The following ATP6V1C2 variants were observed in gnomAD, a reference collection of about 807,000 sequenced individuals.
ATP6V1C2 encodes the protein ATPase H+ transporting V1 subunit C2, also known as V-type proton ATPase subunit C 2.
A neutral mutation model predicts 56.8 loss-of-function variants in ATP6V1C2; 45 were observed. The observed-to-expected ratio is 0.79, with a 90% confidence interval of 0.62 to 1.02. The LOEUF is 1.02. Among genes scored for constraint, ATP6V1C2 ranks in the 50% least tolerant of loss-of-function variants. ATP6V1C2 has a pLI of 0.00. For synonymous variants in ATP6V1C2, 220 were observed against 201.3 expected (o/e 1.09, Z -0.79); for missense variants, 463 against 519.7 (o/e 0.89, Z 1.06).
chr2:10,747,901 C>G (rs1476614941), intron 3 of ATP6V1C2, among the ~76,000 whole-genome samples: 6 of 151,660 alleles, frequency 4.0e-5, no homozygotes, highest in Admixed American at 6.6e-5. Context: ...CGCTTTGTTA[C>G]CCAGGCTGGA....
intron 6 of ATP6V1C2, among the ~76,000 whole-genome samples, chr2:10,769,198 G>C (rs905898551): frequency 6.6e-6 from 1 of 152,230 alleles, no homozygotes; most frequent in African/African-American, 2.4e-5. Context: ...CAGCAGGGTG[G>C]TGGGCTCTGT....
chr2:10,761,665 G>A (rs138707053), intron 4 of ATP6V1C2, among the ~76,000 whole-genome samples: 51 of 152,244 alleles, frequency 3.3e-4, no homozygotes, highest in African/African-American at 1.2e-3. Flanking sequence ...GCTTGTAGAC[G>A]GCCACCTTCT....
At chr2:10,764,741 G>A (rs1664122293) in intron 5 of ATP6V1C2, among the ~76,000 whole-genome samples, 1 of 152,240 alleles carries the variant, frequency 6.6e-6, no homozygotes, top group Non-Finnish European at 1.5e-5. Context: ...GGAGGCCAAG[G>A]TGGGTGGATC....
Position 10,726,085 on chromosome 2 carries a change from AC to A in ATP6V1C2, c.130-416del. Among the ~76,000 whole-genome samples the A allele has an allele frequency of 1.3e-5, 2 of 152,222 alleles. 1 individual carries two copies. The highest frequency in any genetic ancestry group is 6.8e-3 in the Middle Eastern group (2 of 294). ...ACAAGAGCGAAACTCCATCTCAAAA[AC>A]AACAACAAAAAACACAACTGATGGG... On this transcript the variant is annotated intron_variant, in intron 2 of 13. Transcript: ENST00000272238.
At chr2:10,749,341 G>GT (rs1215425716) in intron 3 of ATP6V1C2, among the ~76,000 whole-genome samples, 7 of 151,142 alleles carry the variant, frequency 4.6e-5, no homozygotes, top group South Asian at 2.1e-4. Context: ...CCAAAAAAAA[G>GT]TTTTTTTTAA....
chr2:10,772,460 G>A, intron 7 of ATP6V1C2, 82 bp from the exon 8 acceptor site: 1 of 1,176,976 alleles, frequency 8.5e-7, no homozygotes, highest in East Asian at 2.3e-5. Context: ...TTCAGGAAAA[G>A]GGGTGTGCAG....
intron 5 of ATP6V1C2, among the ~76,000 whole-genome samples, chr2:10,766,541 G>T (rs886311905): frequency 4.6e-5 from 7 of 152,130 alleles, no homozygotes; most frequent in Non-Finnish European, 1.5e-5. Flanking sequence ...TCATTGGCTT[G>T]TGGTGAAATC....
intron 2 of ATP6V1C2, among the ~76,000 whole-genome samples, chr2:10,723,859 AT>A (rs1661493479): frequency 7.1e-6 from 1 of 140,740 alleles, no homozygotes; most frequent in African/African-American, 2.7e-5. Flanking sequence ...AAAAAAAAGA[AT>A]GAGACATGTG....
intron 4 of ATP6V1C2, among the ~76,000 whole-genome samples, chr2:10,761,583 A>G (rs990403751): frequency 3.3e-5 from 5 of 152,172 alleles, no homozygotes; most frequent in Non-Finnish European, 5.9e-5. Context: ...GTCACAAAAT[A>G]CCACTGACTG....
intron 3 of ATP6V1C2, among the ~76,000 whole-genome samples, chr2:10,735,743 A>AT (rs35949255): frequency 5.8e-4 from 85 of 147,588 alleles, no homozygotes; most frequent in East Asian, 1.2e-3. Context: ...TGCCTGGCTA[A>AT]TTTTTTTTTT....
At position 10,721,645 on chromosome 2, in the gene ATP6V1C2, C is replaced by T. The variant is rs1435815117; in HGVS notation, c.-113C>T. On this transcript the variant is annotated 5_prime_UTR_variant, in exon 1 of 14. Coordinates refer to ENST00000272238, the MANE Select transcript of ATP6V1C2 (RefSeq NM_001039362.2). ...GCGGGGCAGCGAAGCCGCTGCCTCC[C>T]GGGAGCCGGCAGAGCGCTCCGGCCC... 2.0e-5 allele frequency: 3 copies of T among 151,360 alleles called. No individual in the cohort carries two copies. Among genetic ancestry groups the T allele is most frequent in the African/African-American group, 4.8e-5 (2 of 41,340 alleles). 9.4% of individuals were successfully genotyped at this position (151,360 alleles called of 1,614,324 possible). A position where few individuals can be genotyped will look rare whatever the true frequency, so the allele number is the denominator to read the frequency against.
chr2:10,732,760 C>G (rs1258790729), intron 3 of ATP6V1C2, among the ~76,000 whole-genome samples: 1 of 151,696 alleles, frequency 6.6e-6, no homozygotes, highest in African/African-American at 2.4e-5. Flanking sequence ...ATCATGAGGT[C>G]AAGAGATCGA....
chr2:10,721,435 G>T (rs1299314094), upstream of ATP6V1C2, among the ~76,000 whole-genome samples: 1 of 152,120 alleles, frequency 6.6e-6, no homozygotes, highest in Non-Finnish European at 1.5e-5. Context: ...CAGGGCCCCG[G>T]CCCTCGCGCG....
chr2:10,744,959 G>A (rs1003365782), intron 3 of ATP6V1C2, among the ~76,000 whole-genome samples: 6 of 150,982 alleles, frequency 4.0e-5, no homozygotes, highest in African/African-American at 7.3e-5. Context: ...ATGAGCCATC[G>A]CACCCGGCCT....
chr2:10,751,405 C>T (rs893550026), intron 3 of ATP6V1C2, among the ~76,000 whole-genome samples: 4 of 152,176 alleles, frequency 2.6e-5, no homozygotes, highest in Admixed American at 6.5e-5. Flanking sequence ...TAAGGAGTAT[C>T]ATCCCCATTT....
At chr2:10,749,347 T>G (rs2148450761) in intron 3 of ATP6V1C2, among the ~76,000 whole-genome samples, 1 of 152,212 alleles carries the variant, frequency 6.6e-6, no homozygotes. Context: ...AAAAGTTTTT[T>G]TTAAATGAAC....
chr2:10,784,156 C>T lies in ATP6V1C2; in HGVS notation c.*893C>T, dbSNP rs1293213107. ...CAAGTACTACTTCTTGGTTAAAAGG[C>T]CACTGGTAGAGTCATCTGAGTGTAG... On this transcript the variant is annotated 3_prime_UTR_variant, in exon 14 of 14. Coordinates refer to ENST00000272238, the MANE Select transcript of ATP6V1C2 (RefSeq NM_001039362.2). The T allele has an allele frequency of 2.6e-6, 2 of 756,560 alleles. No individual in the cohort carries two copies. The highest frequency in any genetic ancestry group is 4.2e-6 in the Non-Finnish European group (2 of 474,386). 46.9% of individuals were successfully genotyped at this position (756,560 alleles called of 1,614,324 possible). A position where few individuals can be genotyped will look rare whatever the true frequency, so the allele number is the denominator to read the frequency against.
rs183547852 is a variant in ATP6V1C2, at chr2:10,727,679, A to C, written c.197+1110A>C. ...TTTGGGAGGCCGAGGCAGGTGGATC[A>C]CTTGAGATCAGGAGTTTGAGACCAG... On this transcript the variant is annotated intron_variant, in intron 3 of 13. Coordinates refer to ENST00000272238, the MANE Select transcript of ATP6V1C2 (RefSeq NM_001039362.2). 4.3e-4 allele frequency among the ~76,000 whole-genome samples: 65 copies of C among 152,314 alleles called. 1 individual carries two copies. The Middle Eastern group carries it at 0.017, about 40-fold the overall frequency.
intron 3 of ATP6V1C2, among the ~76,000 whole-genome samples, chr2:10,744,987 T>C (rs1389397687): frequency 6.6e-6 from 1 of 151,178 alleles, no homozygotes; most frequent in Non-Finnish European, 1.5e-5. Flanking sequence ...AGAATATGGG[T>C]TTATTACTTT....
Sources: allele counts gnomAD v4.1 joint callset (sites outside exome capture counted in the v4.1 genomes callset), GRCh38; gene constraint gnomAD v4.1.1; transcripts MANE v1.5; gene names NCBI Gene and HGNC (gene_info 2026-07-23, HGNC 2026-07-21).